Variants in AFAP1L2 observed in about 807,000 individuals in gnomAD.
AFAP1L2 encodes actin filament associated protein 1 like 2.
AFAP1L2 carries 46 observed loss-of-function variants against 99.3 expected under a neutral mutation model. The observed-to-expected ratio is 0.46, with a 90% CI of 0.37 to 0.59. The LOEUF (loss-of-function observed/expected upper bound fraction) is 0.59, where lower values mean the gene tolerates loss of function less well. Among genes scored for constraint, AFAP1L2 ranks in the 20% least tolerant of loss-of-function variants. The pLI, the probability that AFAP1L2 is intolerant of heterozygous loss-of-function variation, is 0.00. For synonymous variants in AFAP1L2, 397 were observed against 419.1 expected (o/e 0.95, Z 0.64); for missense variants, 959 against 1,034.9 (o/e 0.93, Z 1.01).
chr10:114,289,394 G>A, the AFAP1L2 span: 149 of 1,612,364 alleles, frequency 9.2e-5, no homozygotes, highest in Middle Eastern at 8.2e-4. Context: ...GAGGGTCTGC[G>A]GAGGCTTGCA....
chr10:114,314,508 T>G (rs758092205), intron 6 of AFAP1L2, among the ~76,000 whole-genome samples: 7 of 152,176 alleles, frequency 4.6e-5, no homozygotes, highest in Non-Finnish European at 7.3e-5. Flanking sequence ...AGATGATGTA[T>G]TAACAAAGAA....
chr10:114,399,095 C>G (rs764656079), intron 1 of AFAP1L2, among the ~76,000 whole-genome samples: 1 of 152,162 alleles, frequency 6.6e-6, no homozygotes, highest in Non-Finnish European at 1.5e-5. Context: ...TTCCCCACTC[C>G]CCAATCATGT....
the AFAP1L2 span, among the ~76,000 whole-genome samples, chr10:114,286,817 A>T: frequency 2.0e-5 from 3 of 152,248 alleles, no homozygotes; most frequent in African/African-American, 7.2e-5. Context: ...TCACGATTTT[A>T]TTGTTGTTGT....
chr10:114,318,077 A>T (rs2044431686), intron 5 of AFAP1L2, among the ~76,000 whole-genome samples: 1 of 152,266 alleles, frequency 6.6e-6, no homozygotes, highest in Non-Finnish European at 1.5e-5. Flanking sequence ...AGAACTATAC[A>T]TGCAAACAGA....
At chr10:114,289,821 C>T in the AFAP1L2 span, 1 of 391,426 alleles carries the variant, frequency 2.6e-6, no homozygotes, top group Non-Finnish European at 4.8e-6. Context: ...CTGACTTGGG[C>T]AGTGACAGAG....
intron 1 of AFAP1L2, among the ~76,000 whole-genome samples, chr10:114,389,094 C>T (rs2056843465): frequency 6.6e-6 from 1 of 152,174 alleles, no homozygotes; most frequent in South Asian, 2.1e-4. Context: ...TTGCTGCCCA[C>T]ACCCTGAGCC....
At chr10:114,285,871 C>A in the AFAP1L2 span, 1 of 1,457,702 alleles carries the variant, frequency 6.9e-7, no homozygotes, top group Non-Finnish European at 9.1e-7. Context: ...TGTTCGGCAT[C>A]TCGGGTGGGA....
intron 5 of AFAP1L2, chr10:114,319,429 T>C (rs11196693): frequency 0.8 from 480,481 of 598,502 alleles, 196,142 homozygotes; most frequent in East Asian, 0.94. Context: ...AGATCGCACG[T>C]GGCATGCAAG....
rs772721780 is a variant in AFAP1L2, at chr10:114,299,428, A to C, written c.1958-13T>G. ...CCAAGCTTGATCTCTACAGACCCAG[A>C]GAGGGAAGCCCCAGGTAAGCAGAGC... On this transcript the variant is annotated splice_polypyrimidine_tract_variant and intron_variant, in intron 15 of 18. Transcript: ENST00000304129. 6 of 1,613,506 alleles carry C rather than the reference A, an allele frequency of 3.7e-6. No individual in the cohort carries two copies. The Admixed American group carries it at 5.0e-5, about 13-fold the overall frequency.
At chr10:114,290,459 C>T (rs1403222593), downstream of AFAP1L2, 1 of 1,497,052 alleles carries the variant, frequency 6.7e-7, no homozygotes. Flanking sequence ...GGTTCTAAAA[C>T]ATTCGTTCAG....
chr10:114,308,573 G>T, intron 8 of AFAP1L2, 56 bp from the exon 9 acceptor site: 1 of 1,477,486 alleles, frequency 6.8e-7, no homozygotes, highest in Non-Finnish European at 9.5e-7. Context: ...TTACCTTGGA[G>T]ACCACAATTG....
intron 5 of AFAP1L2, among the ~76,000 whole-genome samples, chr10:114,318,678 A>T (rs1382435548): frequency 7.1e-6 from 1 of 139,986 alleles, no homozygotes. Context: ...GGAAGTGGAG[A>T]TTGCGGTGAG....
intron 1 of AFAP1L2, among the ~76,000 whole-genome samples, chr10:114,366,175 C>CCCTT (rs1202389906): frequency 6.6e-6 from 1 of 152,190 alleles, no homozygotes; most frequent in Admixed American, 6.5e-5. Context: ...GAGCTGTGTG[C>CCCTT]CCTTCTTCCC....
intron 1 of AFAP1L2, among the ~76,000 whole-genome samples, chr10:114,355,906 G>C (rs1473359497): frequency 1.3e-5 from 2 of 152,188 alleles, no homozygotes; most frequent in Admixed American, 6.5e-5. Flanking sequence ...CCAGGAGGTC[G>C]AGGCTGCAGT....
chr10:114,297,331 G>T lies in AFAP1L2; in HGVS notation c.2196C>A (p.Asp732Glu). ...TCACCTCCATGATGCTGAGCTCCAG[G>T]TCCACGCGCCTGCTCTCCTCGCCCC... The part of the protein sequence containing the change: ...ECRGEESRRV[D>E]LELSIMEVKD... Residue 732 changes from aspartate (D) to glutamate (E), a missense_variant, in exon 17 of 19, where the codon GAC becomes GAA. Physicochemically the swap from Asp to Glu is conservative, Grantham distance 45. Around this residue, in one of 2 missense-constraint regions of AFAP1L2, gnomAD observed 576 missense variants for 562.1 expected, o/e 1.02. Coordinates refer to ENST00000304129, the MANE Select transcript of AFAP1L2 (RefSeq NM_001001936.3). 6.2e-7 allele frequency: 1 copy of T among 1,613,858 alleles called. No individual in the cohort carries two copies.
chr10:114,322,768 G>C (rs2045580563), intron 5 of AFAP1L2, among the ~76,000 whole-genome samples: 1 of 152,214 alleles, frequency 6.6e-6, no homozygotes, highest in Non-Finnish European at 1.5e-5. Flanking sequence ...TGGAAACTGA[G>C]CTCAGACTCA....
rs749654747 is a variant in AFAP1L2 at position 114,302,332 on chromosome 10, TACTC to T, written c.1430+3_1430+6del. ...GAGTGTACGGAGGAAGGGTCCAAAT[TACTC>T]ACAAGAGAGAGTTTTTGGCCGCACT... On this transcript the variant is annotated splice_donor_5th_base_variant and intron_variant, in intron 12 of 18. Transcript: ENST00000304129. 15 of 1,613,988 alleles carry T rather than the reference TACTC, an allele frequency of 9.3e-6. No homozygotes were observed. Among genetic ancestry groups the T allele is most frequent in the Admixed American group, 3.3e-5 (2 of 60,004 alleles).
At chr10:114,291,159 T>C, downstream of AFAP1L2, 1 of 1,547,834 alleles carries the variant, frequency 6.5e-7, no homozygotes, top group Non-Finnish European at 8.7e-7. Flanking sequence ...CAGAGGCTGC[T>C]GGAGGGCTGA....
chr10:114,362,108 G>C (rs1250999108), intron 1 of AFAP1L2, among the ~76,000 whole-genome samples: 1 of 152,144 alleles, frequency 6.6e-6, no homozygotes, highest in African/African-American at 2.4e-5. Flanking sequence ...TTTGAGCCTT[G>C]GTTTCCATGC....
Sources: allele counts gnomAD v4.1 joint callset (sites outside exome capture counted in the v4.1 genomes callset), GRCh38; gene constraint gnomAD v4.1.1; regional missense constraint gnomAD v4.1.1; transcripts MANE v1.5; gene names NCBI Gene and HGNC (gene_info 2026-07-23, HGNC 2026-07-21).